IQCF1: variants seen among roughly 807,000 people sequenced by gnomAD.
The protein encoded by IQCF1 is IQ motif containing F1, also known as IQ domain-containing protein F1.
In IQCF1, 9 loss-of-function variants were observed where a neutral mutation model predicts 12.5. The ratio of observed to expected loss-of-function variants is 0.72; its 90% CI spans 0.43 to 1.26. The LOEUF (loss-of-function observed/expected upper bound fraction) is 1.26, where lower values mean the gene tolerates loss of function less well. Ranked by LOEUF, IQCF1 falls within the 50% of genes most tolerant of loss-of-function variation. IQCF1 has a pLI of 0.00. For missense variants in IQCF1, 252 were observed against 257.4 expected, an observed-to-expected ratio of 0.98 and a Z score of 0.14; for synonymous variants, 67 against 96.2, an observed-to-expected ratio of 0.70 and a Z score of 1.78.
chr3:51,896,258 C>T (rs1699001207), intron 3 of IQCF1, among the ~76,000 whole-genome samples: 1 of 152,196 alleles, frequency 6.6e-6, no homozygotes, highest in South Asian at 2.1e-4. Context: ...TAGACAAACT[C>T]AACCAATTGT....
At chr3:51,898,315 T>A (rs1052218332) in intron 2 of IQCF1, among the ~76,000 whole-genome samples, 3 of 152,078 alleles carry the variant, frequency 2.0e-5, no homozygotes, top group African/African-American at 7.2e-5. Flanking sequence ...TCCTCTTCCT[T>A]TAAAAGTCAG....
chr3:51,899,745 A>T (rs193067045), intron 2 of IQCF1, among the ~76,000 whole-genome samples: 1 of 152,334 alleles, frequency 6.6e-6, no homozygotes, highest in East Asian at 1.9e-4. Context: ...CAGTCTATAA[A>T]ATTCTTACCT....
In IQCF1 at chr3:51,895,127, T is replaced by C. The variant is rs1158691814; in HGVS notation, c.381A>G (p.Ala127=). 1 of 1,614,238 alleles carries C rather than the reference T, an allele frequency of 6.2e-7. No individual in the cohort carries two copies. Among genetic ancestry groups the C allele is most frequent in the African/African-American group, 1.3e-5 (1 of 75,076 alleles). ...GGGCCTGGGACTGCAGTGTGACTGC[T>C]GCCCACTCCTTCCGGGAGAAGGCCT... ...ALEAFSRKEW[A]AVTLQSQARM... The change falls in exon 4 of 4, where the codon GCA becomes GCG. Residue 127 remains alanine (A), a synonymous_variant. Transcript: ENST00000310914. This position sits in a 1 kb window ranked among gnomAD's most constrained non-coding sequence, Gnocchi z 4.8.
chr3:51,898,042 C>T (rs1679158562), intron 2 of IQCF1, among the ~76,000 whole-genome samples: 1 of 152,192 alleles, frequency 6.6e-6, no homozygotes, highest in African/African-American at 2.4e-5. Context: ...ATATTCAGAA[C>T]ACCCCTTTCC....
intron 2 of IQCF1, among the ~76,000 whole-genome samples, chr3:51,902,598 C>T (rs1218867688): frequency 2.0e-5 from 3 of 152,192 alleles, no homozygotes; most frequent in Non-Finnish European, 4.4e-5. Flanking sequence ...TGACTCATTC[C>T]GATTTCCTGC....
intron 1 of IQCF1, 45 bp from the exon 2 acceptor site, chr3:51,903,134 C>G: frequency 6.2e-7 from 1 of 1,600,560 alleles, no homozygotes; most frequent in Non-Finnish European, 8.6e-7. Context: ...GCTGCGGTCC[C>G]TCCCTCTCCA....
At chr3:51,896,720 C>A in intron 3 of IQCF1, 112 bp downstream of exon 3, 1 of 818,602 alleles carries the variant, frequency 1.2e-6, no homozygotes, top group Non-Finnish European at 2.2e-6. Context: ...CACGCACACA[C>A]ACACACACAT....
At chr3:51,896,689 A>ACG (rs1166917266) in intron 3 of IQCF1, 143 bp downstream of exon 3, 4 of 629,966 alleles carry the variant, frequency 6.3e-6, no homozygotes, top group African/African-American at 3.7e-5. Context: ...AAGCTCAAAC[A>ACG]CGCGCGCACA....
rs536489212 is a variant in IQCF1 at position 51,900,906 on chromosome 3, T to C, written c.108+2079A>G. On this transcript the variant is annotated intron_variant, in intron 2 of 3. Transcript: ENST00000310914. This position sits in a 1 kb window ranked among gnomAD's most constrained non-coding sequence, Gnocchi z 4.2. ...GCTGAGGTTTCAGGGACAGACCCTA[T>C]TGGATTCTTTGAAATGCATTTCTTT... is the stretch of plus-strand genomic sequence containing the variant. Among the ~76,000 whole-genome samples the C allele has an allele frequency of 3.3e-5, 5 of 152,316 alleles. No homozygotes were observed. Among genetic ancestry groups the C allele is most frequent in the East Asian group, 3.9e-4 (2 of 5,190 alleles).
chr3:51,901,386 C>T (rs559129662), intron 2 of IQCF1, among the ~76,000 whole-genome samples: 11 of 152,208 alleles, frequency 7.2e-5, no homozygotes, highest in Non-Finnish European at 1.2e-4. Context: ...ATGTCTCTCA[C>T]GACAGGGAGG....
chr3:51,902,198 C>G (rs1246180476), intron 2 of IQCF1, among the ~76,000 whole-genome samples: 2 of 152,180 alleles, frequency 1.3e-5, no homozygotes, highest in Admixed American at 1.3e-4. Flanking sequence ...CACCATGCGT[C>G]CGTGGGTTGG....
intron 2 of IQCF1, among the ~76,000 whole-genome samples, 181 bp from the exon 3 acceptor site, chr3:51,897,075 C>T (rs558382368): frequency 1.3e-5 from 2 of 152,218 alleles, no homozygotes; most frequent in Admixed American, 6.5e-5. Context: ...TTTCGATTAC[C>T]GGCTCCACCC....
At chr3:51,896,314 C>T (rs1330518784) in intron 3 of IQCF1, among the ~76,000 whole-genome samples, 1 of 152,142 alleles carries the variant, frequency 6.6e-6, no homozygotes, top group Non-Finnish European at 1.5e-5. Context: ...AAACACTGCC[C>T]TCTCCCCAGC....
At position 51,895,141 on chromosome 3, in the gene IQCF1, G is replaced by A. The variant is rs552646170; in HGVS notation, c.367C>T (p.Arg123Trp). 2.7e-5 allele frequency: 43 copies of A among 1,614,198 alleles called. No homozygotes were observed. In the African/African-American group the frequency reaches 3.1e-4, roughly 12 times the overall value. Residue 123 changes from arginine (R) to tryptophan (W), a missense_variant, in exon 4 of 4, where the codon CGG becomes TGG. Coordinates refer to ENST00000310914, the MANE Select transcript of IQCF1 (RefSeq NM_152397.3). The surrounding 1 kb of genome is among the most constrained non-coding windows in gnomAD (Gnocchi z 4.8). ...AGTGTGACTGCTGCCCACTCCTTCC[G>A]GGAGAAGGCCTCTAGCGCTGCCTGC... ...RRQAALEAFSRKEWAAVTLQS... is the reference protein window; with the variant it reads ...RRQAALEAFSWKEWAAVTLQS...
rs566082454 is a variant in IQCF1 at position 51,900,713 on chromosome 3, G to C, written c.108+2272C>G. Among the ~76,000 whole-genome samples, 107 of 152,278 alleles carry C rather than the reference G, an allele frequency of 7.0e-4. No individual in the cohort carries two copies. The highest frequency in any genetic ancestry group is 2.6e-3 in the African/African-American group (106 of 41,564). On this transcript the variant is annotated intron_variant, in intron 2 of 3. Transcript: ENST00000310914. This position sits in a 1 kb window ranked among gnomAD's most constrained non-coding sequence, Gnocchi z 4.2. ...GGATGGACTGCCCCAACCGGTTTTT[G>C]TAATTTCCTAAAACCATACATTCAT... is the stretch of plus-strand genomic sequence containing the variant.
chr3:51,895,474 C>T lies in IQCF1; in HGVS notation c.172-138G>A, dbSNP rs1232850114. The T allele has an allele frequency of 3.6e-5, 27 of 745,050 alleles. No homozygotes were observed. Among genetic ancestry groups the T allele is most frequent in the Non-Finnish European group, 5.1e-5 (24 of 467,712 alleles). 46.2% of individuals were successfully genotyped at this position (745,050 alleles called of 1,614,324 possible). A position where few individuals can be genotyped will look rare whatever the true frequency, so the allele number is the denominator to read the frequency against. On this transcript the variant is annotated intron_variant, in intron 3 of 3. Transcript: ENST00000310914. This position sits in a 1 kb window ranked among gnomAD's most constrained non-coding sequence, Gnocchi z 4.8. ...TCAGGAGCACTGGGCAGGGCACTGG[C>T]TGGAACCAGAAGATCAGGTAGATGT...
intron 2 of IQCF1, among the ~76,000 whole-genome samples, chr3:51,898,446 A>G (rs1466674751): frequency 1.3e-5 from 2 of 152,368 alleles, no homozygotes; most frequent in East Asian, 3.9e-4. Context: ...GGCCACTGAC[A>G]ACCCGTAGCC....
In IQCF1 at chr3:51,900,688, G is replaced by A. The variant is rs965312063; in HGVS notation, c.108+2297C>T. Among the ~76,000 whole-genome samples, 1 of 151,818 alleles carries A rather than the reference G, an allele frequency of 6.6e-6. No homozygotes were observed. Among genetic ancestry groups the A allele is most frequent in the Non-Finnish European group, 1.5e-5 (1 of 68,038 alleles). On this transcript the variant is annotated intron_variant, in intron 2 of 3. Transcript: ENST00000310914. The surrounding 1 kb of genome is among the most constrained non-coding windows in gnomAD (Gnocchi z 4.2). ...GGTTCTGTGGACCACTAAAGAGCAA[G>A]GATGGACTGCCCCAACCGGTTTTTG... is the stretch of plus-strand genomic sequence containing the variant.
chr3:51,901,152 T>C (rs1367734708), intron 2 of IQCF1, among the ~76,000 whole-genome samples: 1 of 152,262 alleles, frequency 6.6e-6, no homozygotes, highest in African/African-American at 2.4e-5. Context: ...ATTGTTATGC[T>C]TGTGCACCCA....
Sources: gnomAD v4.1 joint callset for allele counts (sites outside exome capture counted in the v4.1 genomes callset) on GRCh38, gnomAD v4.1.1 for gene constraint, Gnocchi (gnomAD v3.1) non-coding constraint, MANE v1.5 for transcripts, NCBI Gene and HGNC (gene_info 2026-07-23, HGNC 2026-07-21) for gene names.